Variants in LINGO2 observed in about 807,000 individuals in gnomAD.
LINGO2 encodes leucine rich repeat and Ig domain containing 2.
LINGO2 carries 14 observed loss-of-function variants against 30.6 expected under a neutral mutation model. The ratio of observed to expected loss-of-function variants is 0.46; its 90% CI spans 0.30 to 0.72. The LOEUF is 0.72. LINGO2 is among the 30% of genes least tolerant of loss of function. The probability of loss-of-function intolerance (pLI) is 0.07; values close to 1 mark genes in which losing one functional copy is unlikely to be tolerated. For synonymous variants in LINGO2, 317 were observed against 288.5 expected, an observed-to-expected ratio of 1.10 and a Z score of -1.00; for missense variants, 729 against 751.7, an observed-to-expected ratio of 0.97 and a Z score of 0.35.
At chr9:28,145,393 G>T (rs941580796) in intron 4 of LINGO2, among the ~76,000 whole-genome samples, 1 of 152,090 alleles carries the variant, frequency 6.6e-6, no homozygotes, top group Admixed American at 6.5e-5. Context: ...GTTGCAAAAC[G>T]GGAAGTAGCC....
intron 1 of LINGO2, among the ~76,000 whole-genome samples, chr9:28,642,873 C>A (rs142921174): frequency 2.2e-4 from 33 of 151,994 alleles, no homozygotes; most frequent in African/African-American, 7.7e-4. Context: ...TGTTTCTTGA[C>A]GTGTTTTCCC....
chr9:28,168,632 G>A (rs1341594752), intron 4 of LINGO2, among the ~76,000 whole-genome samples: 2 of 152,232 alleles, frequency 1.3e-5, no homozygotes, highest in African/African-American at 2.4e-5. Context: ...GGCAAGTAAC[G>A]TTTGTGCAGA....
the LINGO2 span, among the ~76,000 whole-genome samples, chr9:28,993,348 T>A: frequency 2.0e-5 from 3 of 152,068 alleles, no homozygotes; most frequent in East Asian, 1.9e-4. Flanking sequence ...GACCAATAAC[T>A]GGCTCTGAAA....
chr9:28,573,607 TTCAAG>T (rs1179391579), intron 1 of LINGO2, among the ~76,000 whole-genome samples: 5 of 152,210 alleles, frequency 3.3e-5, no homozygotes, highest in Non-Finnish European at 7.4e-5. Context: ...GCCTTATACT[TTCAAG>T]TCTTTTTGTC....
At chr9:28,515,567 C>A (rs1039082559) in intron 1 of LINGO2, among the ~76,000 whole-genome samples, 1 of 152,062 alleles carries the variant, frequency 6.6e-6, no homozygotes. Context: ...TAACTGCAGA[C>A]GTAGTGGAAA....
intron 2 of LINGO2, among the ~76,000 whole-genome samples, chr9:28,408,350 T>C (rs187371802): frequency 6.6e-6 from 1 of 152,262 alleles, no homozygotes. Flanking sequence ...TTGAGTATTA[T>C]CACTATTATT....
At chr9:29,074,717 G>T in the LINGO2 span, among the ~76,000 whole-genome samples, 1 of 117,614 alleles carries the variant, frequency 8.5e-6, no homozygotes, top group African/African-American at 3.4e-5. Flanking sequence ...ACAGAGTCTC[G>T]CTCTCTCGCC....
intron 2 of LINGO2, among the ~76,000 whole-genome samples, chr9:28,472,392 C>G (rs2135175752): frequency 6.6e-6 from 1 of 150,892 alleles, no homozygotes; most frequent in Non-Finnish European, 1.5e-5. Context: ...TAGGTTAACA[C>G]AGATTATCAA....
At chr9:28,767,090 G>A in the LINGO2 span, among the ~76,000 whole-genome samples, 1 of 151,172 alleles carries the variant, frequency 6.6e-6, no homozygotes, top group African/African-American at 2.5e-5. Context: ...GGGGAAGGTG[G>A]GGTGGGTAAT....
the LINGO2 span, among the ~76,000 whole-genome samples, chr9:28,776,004 G>A: frequency 6.6e-6 from 1 of 152,146 alleles, no homozygotes; most frequent in Non-Finnish European, 1.5e-5. Context: ...ACCAGTCCCT[G>A]GCTCATGGCA....
chr9:28,680,133 C>A, the LINGO2 span, among the ~76,000 whole-genome samples: 16,662 of 151,968 alleles, frequency 0.11, 1,048 homozygotes, highest in African/African-American at 0.16. Context: ...ATCTCCTCAA[C>A]CCTGCCCTGC....
At chr9:28,946,058 C>T in the LINGO2 span, among the ~76,000 whole-genome samples, 1 of 152,054 alleles carries the variant, frequency 6.6e-6, no homozygotes, top group African/African-American at 2.4e-5. Context: ...ATCAGTAGAT[C>T]TAGATATATA....
intron 3 of LINGO2, among the ~76,000 whole-genome samples, chr9:28,310,579 C>T (rs1231509038): frequency 6.6e-6 from 1 of 152,020 alleles, no homozygotes; most frequent in Non-Finnish European, 1.5e-5. Flanking sequence ...AGAGAGGAAA[C>T]AGGAAGGAAA....
intron 2 of LINGO2, 59 bp downstream of exon 4, chr9:28,475,881 T>G (rs1825709772): frequency 6.6e-6 from 1 of 152,632 alleles, no homozygotes; most frequent in African/African-American, 2.4e-5. Flanking sequence ...ATGCAGACTT[T>G]TTGCATAAGA....
At chr9:28,566,048 G>A (rs548467417) in intron 1 of LINGO2, among the ~76,000 whole-genome samples, 2 of 152,060 alleles carry the variant, frequency 1.3e-5, no homozygotes, top group Non-Finnish European at 2.9e-5. Flanking sequence ...GAGGACCAGC[G>A]AAGTGGCCTG....
rs1202094975 is a variant in LINGO2 at position 28,148,812 on chromosome 9, C to T, written c.-86-136407G>A. The T allele has an allele frequency of 1.6e-5, 24 of 1,530,024 alleles. No individual in the cohort carries two copies. The highest frequency in any genetic ancestry group is 9.5e-5 in the South Asian group (8 of 83,906). 94.8% of individuals were successfully genotyped at this position (1,530,024 alleles called of 1,614,324 possible). On this transcript the variant is annotated intron_variant, in intron 4 of 5. Coordinates refer to ENST00000379992, the Ensembl canonical transcript of LINGO2. The surrounding 1 kb of genome is among the most constrained non-coding windows in gnomAD (Gnocchi z 5.1). ...GGCTGCTCCCTGTGGCCAGAGAAGG[C>T]GGCCTTGAAGGTGCTGGGTAAAGAC... is the stretch of plus-strand genomic sequence containing the variant.
At chr9:28,025,554 GCTT>G (rs1439176709) in intron 4 of LINGO2, among the ~76,000 whole-genome samples, 3 of 152,070 alleles carry the variant, frequency 2.0e-5, no homozygotes, top group Non-Finnish European at 4.4e-5. Context: ...CATAAAACAA[GCTT>G]ATTATCTGTA....
At chr9:28,073,566 A>C (rs1825542195) in intron 4 of LINGO2, among the ~76,000 whole-genome samples, 1 of 152,214 alleles carries the variant, frequency 6.6e-6, no homozygotes, top group Non-Finnish European at 1.5e-5. Flanking sequence ...CCATTTTTAA[A>C]AGATACATTC....
intron 5 of LINGO2, among the ~76,000 whole-genome samples, chr9:28,004,226 T>G (rs76751704): frequency 0.063 from 9,653 of 152,246 alleles, 475 homozygotes; most frequent in African/African-American, 0.13. Context: ...TTTCCCATGA[T>G]AAGTTTTTGA....
Sources: allele counts gnomAD v4.1 joint callset (sites outside exome capture counted in the v4.1 genomes callset), GRCh38; gene constraint gnomAD v4.1.1; non-coding constraint Gnocchi (gnomAD v3.1); transcripts MANE v1.5; gene names NCBI Gene and HGNC (gene_info 2026-07-23, HGNC 2026-07-21).